Variants in SGCD observed in about 807,000 individuals in gnomAD.
SGCD encodes the protein delta-sarcoglycan.
Under a neutral mutation model 36.6 loss-of-function variants are expected in SGCD, and 18 were observed. That is an observed-to-expected ratio of 0.49 (90% CI 0.34 to 0.73). The LOEUF is 0.73. Ranked by LOEUF, SGCD falls within the 30% of genes least tolerant of loss-of-function variation. The pLI is 0.01. For synonymous variants in SGCD, 133 were observed against 130.6 expected (o/e 1.02, Z -0.12); for missense variants, 387 against 346.7 (o/e 1.12, Z -0.92).
chr5:156,342,890 T>C (rs1314916723), intron 2 of SGCD, among the ~76,000 whole-genome samples: 1 of 152,240 alleles, frequency 6.6e-6, no homozygotes, highest in Admixed American at 6.5e-5. Flanking sequence ...CATTCAATCA[T>C]TCCACACACA....
At chr5:156,172,380 G>A (rs755450871) in intron 3 of SGCD, among the ~76,000 whole-genome samples, 3 of 152,212 alleles carry the variant, frequency 2.0e-5, no homozygotes, top group Non-Finnish European at 2.9e-5. Flanking sequence ...TCATGTTACA[G>A]CACCTGCTCT....
chr5:156,748,640 GATAAAA>G (rs1374275600), intron 7 of SGCD, among the ~76,000 whole-genome samples: 1 of 152,004 alleles, frequency 6.6e-6, no homozygotes, highest in Middle Eastern at 3.2e-3. Context: ...TGATAAAACA[GATAAAA>G]ATAGATATGA....
chr5:156,410,337 G>A (rs1237490924), intron 3 of SGCD, among the ~76,000 whole-genome samples: 1 of 151,870 alleles, frequency 6.6e-6, no homozygotes, highest in African/African-American at 2.4e-5. Context: ...CTAAGCATTG[G>A]GTACACGTAG....
At chr5:156,458,381 C>G in intron 3 of SGCD, 1 of 1,507,280 alleles carries the variant, frequency 6.6e-7, no homozygotes, top group Non-Finnish European at 9.2e-7. Flanking sequence ...TTGCTTTTAC[C>G]AAAAAGGAAA....
chr5:155,928,366 T>C (rs528005006), intron 1 of SGCD, among the ~76,000 whole-genome samples: 2 of 152,262 alleles, frequency 1.3e-5, no homozygotes, highest in South Asian at 2.1e-4. Flanking sequence ...GTCTTTACTC[T>C]TTTAAAGAAA....
chr5:156,644,141 T>C (rs1763142564), intron 6 of SGCD, among the ~76,000 whole-genome samples: 1 of 152,204 alleles, frequency 6.6e-6, no homozygotes, highest in Non-Finnish European at 1.5e-5. Flanking sequence ...CTTGAAATTC[T>C]TACTTTTGAG....
intron 3 of SGCD, among the ~76,000 whole-genome samples, chr5:156,394,031 G>GA (rs1771723002): frequency 2.0e-5 from 3 of 152,214 alleles, no homozygotes; most frequent in African/African-American, 4.8e-5. Context: ...GGTGCTTTGG[G>GA]AGTCAGACAA....
intron 1 of SGCD, among the ~76,000 whole-genome samples, chr5:156,078,066 T>C (rs78906896): frequency 0.065 from 9,881 of 152,108 alleles, 1,019 homozygotes; most frequent in African/African-American, 0.22. Flanking sequence ...CTTTTTGTTA[T>C]CTTGTTGTAG....
chr5:155,843,404 T>TCACACACA, the SGCD span, among the ~76,000 whole-genome samples: 1 of 150,264 alleles, frequency 6.7e-6, no homozygotes, highest in African/African-American at 2.4e-5. Flanking sequence ...TCACTTATGC[T>TCACACACA]CACACACACA....
At chr5:156,563,631 A>G (rs2113254511) in intron 4 of SGCD, among the ~76,000 whole-genome samples, 1 of 152,306 alleles carries the variant, frequency 6.6e-6, no homozygotes, top group African/African-American at 2.4e-5. Flanking sequence ...TCTCTTTCCT[A>G]CCTGGAATCA....
intron 4 of SGCD, among the ~76,000 whole-genome samples, chr5:156,585,052 C>G (rs1760437970): frequency 6.6e-6 from 1 of 152,156 alleles, no homozygotes; most frequent in African/African-American, 2.4e-5. Context: ...GAGAAAACAG[C>G]TAAACTTAGT....
chr5:156,312,521 C>T (rs182484629), intron 3 of SGCD, among the ~76,000 whole-genome samples: 7 of 152,086 alleles, frequency 4.6e-5, no homozygotes, highest in Admixed American at 2.0e-4. Flanking sequence ...ATCATGACAC[C>T]ACTCTGCTTC....
intron 3 of SGCD, among the ~76,000 whole-genome samples, chr5:156,194,270 G>C (rs1306009513): frequency 1.3e-5 from 2 of 152,046 alleles, no homozygotes; most frequent in African/African-American, 2.4e-5. Flanking sequence ...CCCCAGGTAA[G>C]TGAGAGGCTG....
chr5:156,310,760 T>G (rs2127690229), intron 3 of SGCD, among the ~76,000 whole-genome samples: 1 of 152,320 alleles, frequency 6.6e-6, no homozygotes, highest in East Asian at 1.9e-4. Flanking sequence ...ACACTTACTA[T>G]GCAATCCAGT....
intron 7 of SGCD, among the ~76,000 whole-genome samples, chr5:156,753,015 A>C (rs950221604): frequency 6.6e-6 from 1 of 152,092 alleles, no homozygotes; most frequent in African/African-American, 2.4e-5. Context: ...TGACCCTTGG[A>C]CTAGAGCCGT....
At chr5:156,486,833 T>C (rs926843387) in intron 3 of SGCD, among the ~76,000 whole-genome samples, 4 of 152,044 alleles carry the variant, frequency 2.6e-5, no homozygotes, top group Non-Finnish European at 5.9e-5. Context: ...ATGTGCCACT[T>C]GGGGGCCTGG....
chr5:155,963,403 A>G (rs1329344456), intron 1 of SGCD, among the ~76,000 whole-genome samples: 1 of 152,160 alleles, frequency 6.6e-6, no homozygotes, highest in Non-Finnish European at 1.5e-5. Context: ...CAGGATTAAA[A>G]TGAGTCAAAA....
At chr5:156,234,733 A>C (rs30274) in intron 3 of SGCD, among the ~76,000 whole-genome samples, 90,824 of 151,908 alleles carry the variant, frequency 0.6, 27,334 homozygotes, top group East Asian at 0.69. Context: ...AGAACTTATA[A>C]TTTTCTGCTG....
chr5:156,371,101 A>G (rs1216837763), intron 3 of SGCD, among the ~76,000 whole-genome samples: 2 of 152,184 alleles, frequency 1.3e-5, no homozygotes, highest in Non-Finnish European at 2.9e-5. Flanking sequence ...TTGCAACTAC[A>G]AATGTATTGA....
Sources: allele counts gnomAD v4.1 joint callset (sites outside exome capture counted in the v4.1 genomes callset), GRCh38; gene constraint gnomAD v4.1.1; transcripts MANE v1.5; gene names NCBI Gene and HGNC (gene_info 2026-07-23, HGNC 2026-07-21).